Variants in CCDC22 observed in about 807,000 individuals in gnomAD.
The protein encoded by CCDC22 is coiled-coil domain-containing protein 22.
In CCDC22, 4 loss-of-function variants were observed where a neutral mutation model predicts 53.1. That is an observed-to-expected ratio of 0.08 (90% CI 0.04 to 0.17). The LOEUF is 0.17. Ranked by LOEUF, CCDC22 falls within the 10% of genes least tolerant of loss-of-function variation. CCDC22 has a pLI of 1.00. For missense variants in CCDC22, 458 were observed against 554.0 expected (o/e 0.83, Z 1.74); for synonymous variants, 222 against 224.4 (o/e 0.99, Z 0.10).
chrX:49,248,876 C>A lies in CCDC22; in HGVS notation c.1491C>A (p.Ile497=), dbSNP rs2066006893. The A allele has an allele frequency of 8.3e-7, 1 of 1,211,006 alleles. No homozygotes were observed. Among genetic ancestry groups the A allele is most frequent in the Admixed American group, 2.2e-5 (1 of 45,999 alleles). ...CCCGGCTGGCCTACACCCAGCGCAT[C>A]CTGGAGATCGTGGGCAACATCCGGA... is the stretch of plus-strand genomic sequence containing the variant. ...DVSRLAYTQR[I]LEIVGNIRKQ... Residue 497 remains isoleucine, a synonymous_variant, in exon 13 of 17, where the codon ATC becomes ATA. Transcript: ENST00000376227.
Position 49,247,482 on chromosome X carries a change from G to A in CCDC22, c.910-14G>A, listed in dbSNP as rs926510206. 5.9e-6 allele frequency: 7 copies of A among 1,186,705 alleles called. No homozygotes were observed. The highest frequency in any genetic ancestry group is 1.9e-5 in the South Asian group (1 of 53,767). ...TTCCCTGGCAGCCAGGATGCCCCTC[G>A]TCACTCCCCTTAGGAGCCCCAGGCC... is the stretch of plus-strand genomic sequence containing the variant. On this transcript the variant is annotated splice_polypyrimidine_tract_variant and intron_variant, in intron 7 of 16. Coordinates refer to ENST00000376227, the MANE Select transcript of CCDC22 (RefSeq NM_014008.5).
At chrX:49,236,655 T>C (rs1397201801) in intron 1 of CCDC22, among the ~76,000 whole-genome samples, 2 of 111,256 alleles carry the variant, frequency 1.8e-5, no homozygotes, top group African/African-American at 6.5e-5. Flanking sequence ...GGTCTTGATA[T>C]TCAGGGATCT....
At chrX:49,248,119 G>T (rs2066000405) in intron 9 of CCDC22, 72 bp from the exon 10 acceptor site, 1 of 1,192,742 alleles carries the variant, frequency 8.4e-7, no homozygotes, top group East Asian at 3.0e-5. Flanking sequence ...GCCTGTGGGG[G>T]CCACAGGGGT....
rs797042658 is a variant in CCDC22, at chrX:49,235,826, T to TACACACACACACACAC, written c.50+163_50+178dup. 6.2e-5 allele frequency: 15 copies of TACACACACACACACAC among 243,312 alleles called. No individual in the cohort carries two copies. In the African/African-American group the frequency reaches 6.3e-4, roughly 10 times the overall value. 20.1% of individuals were successfully genotyped at this position (243,312 alleles called of 1,213,427 possible). A position where few individuals can be genotyped will look rare whatever the true frequency, so the allele number is the denominator to read the frequency against. ...CAGGATCCTAAGACCCTCACCCCCT[T>TACACACACACACACAC]ACACACACACACACACACACACACA... On this transcript the variant is annotated intron_variant, in intron 1 of 16. Transcript: ENST00000376227.
intron 7 of CCDC22, 26 bp downstream of exon 7, chrX:49,246,951 G>A (rs782566533): frequency 3.6e-5 from 41 of 1,134,854 alleles, no homozygotes; most frequent in Non-Finnish European, 4.6e-5. Flanking sequence ...GACATGAGAT[G>A]TGTGGATGGG....
chrX:49,249,366 C>A, intron 14 of CCDC22, 104 bp downstream of exon 14: 1 of 869,752 alleles, frequency 1.1e-6, no homozygotes, highest in Non-Finnish European at 1.7e-6. Flanking sequence ...CTGTGCGAGG[C>A]TGGAGGTGCA....
Position 49,248,281 on chromosome X carries a change from G to A in CCDC22, c.1183G>A (p.Asp395Asn), listed in dbSNP as rs781990093. The A allele has an allele frequency of 1.2e-5, 14 of 1,197,075 alleles. No homozygotes were observed. The highest frequency in any genetic ancestry group is 2.5e-4 in the Middle Eastern group (1 of 3,950). The change falls in exon 10 of 17, where the codon GAT becomes AAT. Residue 395 changes from aspartate (D) to asparagine (N), a missense_variant. Around this residue, in one of 4 missense-constraint regions of CCDC22, gnomAD observed 309 missense variants for 312.3 expected, o/e 0.99. Coordinates refer to ENST00000376227, the MANE Select transcript of CCDC22 (RefSeq NM_014008.5). ...LKSRAVELLP[D>N]GTANLAKLQL... ...GAGCCGCGCGGTGGAGCTGCTGCCC[G>A]ATGGGACTGCCAACCTTGCCAAGCT...
rs1212730687 is a variant in CCDC22 at position 49,246,272 on chromosome X, A to C, written c.715-459A>C. On this transcript the variant is annotated intron_variant, in intron 6 of 16. Transcript: ENST00000376227. The stretch of plus-strand genomic sequence containing the variant: ...TAGGCATGAGCCACTGTACCCGGCC[A>C]ACAATGATATCTTAATACCATCCAA... 3.6e-5 allele frequency among the ~76,000 whole-genome samples: 4 copies of C among 112,473 alleles called. No individual in the cohort carries two copies. In the East Asian group the frequency reaches 1.1e-3, roughly 31 times the overall value.
At chrX:49,239,580 T>C (rs1449819255) in intron 2 of CCDC22, among the ~76,000 whole-genome samples, 2 of 110,548 alleles carry the variant, frequency 1.8e-5, no homozygotes, top group African/African-American at 6.6e-5. Context: ...GTTGTTAAAT[T>C]TGGGCCTTGC....
chrX:49,247,551 CTGAACAGG>C lies in CCDC22; in HGVS notation c.969_972+4del. The C allele has an allele frequency of 8.3e-7, 1 of 1,198,544 alleles. No homozygotes were observed. The highest frequency in any genetic ancestry group is 1.8e-5 in the South Asian group (1 of 54,876). The stretch of plus-strand genomic sequence containing the variant: ...GATGTGCCAGCCACCTCCCGGCGGC[CTGAACAGG>C]TGAGCAGAGTGGTTTGGAGGGGGGT... On this transcript the variant is annotated splice_donor_variant and coding_sequence_variant, in exon 8 of 17. Coordinates refer to ENST00000376227, the MANE Select transcript of CCDC22 (RefSeq NM_014008.5). LOFTEE classifies it high-confidence loss of function.
intron 1 of CCDC22, among the ~76,000 whole-genome samples, chrX:49,236,096 C>T (rs2065936681): frequency 9.1e-6 from 1 of 109,498 alleles, no homozygotes; most frequent in Non-Finnish European, 1.9e-5. Flanking sequence ...AGCGTAAAAC[C>T]CCAGGACCCT....
At chrX:49,248,981 C>T (rs782628473) in intron 13 of CCDC22, 57 bp downstream of exon 13, 13 of 1,176,930 alleles carry the variant, frequency 1.1e-5, no homozygotes, top group East Asian at 6.1e-5. Context: ...ATAGTGTGGC[C>T]GCACAGGGAC....
chrX:49,235,977 C>A (rs1205249401), intron 1 of CCDC22, among the ~76,000 whole-genome samples: 3 of 109,273 alleles, frequency 2.7e-5, no homozygotes, highest in African/African-American at 6.7e-5. Context: ...GACGTTACAA[C>A]CTTGAAACCT....
At chrX:49,236,097 C>T (rs1169825485) in intron 1 of CCDC22, among the ~76,000 whole-genome samples, 2 of 109,551 alleles carry the variant, frequency 1.8e-5, no homozygotes, top group East Asian at 5.7e-4. Context: ...GCGTAAAACC[C>T]CAGGACCCTG....
At chrX:49,244,598 T>C (rs1169784511) in intron 6 of CCDC22, among the ~76,000 whole-genome samples, 9 of 110,556 alleles carry the variant, frequency 8.1e-5, no homozygotes, top group African/African-American at 3.0e-4. Context: ...TCTCGCTCTG[T>C]CACCCAGGCT....
chrX:49,248,950 G>A lies in CCDC22; in HGVS notation c.1539+26G>A, dbSNP rs782190999. 5.0e-6 allele frequency: 6 copies of A among 1,197,264 alleles called. No individual in the cohort carries two copies. The South Asian group carries it at 1.1e-4, about 22-fold the overall frequency. Reference sequence around the variant, plus strand: ...GTACACTGCCAGGGCCATGGAGGGTGGGTCATGTGGGCTGTCAGGCATAGT... The same window carrying A: ...GTACACTGCCAGGGCCATGGAGGGTAGGTCATGTGGGCTGTCAGGCATAGT... On this transcript the variant is annotated intron_variant, in intron 13 of 16. Coordinates refer to ENST00000376227, the MANE Select transcript of CCDC22 (RefSeq NM_014008.5).
At chrX:49,241,043 C>A (rs1602668916) in intron 2 of CCDC22, among the ~76,000 whole-genome samples, 1 of 111,904 alleles carries the variant, frequency 8.9e-6, no homozygotes, top group South Asian at 3.7e-4. Context: ...TGTTGGTATA[C>A]CCTCTTTCAG....
chrX:49,237,020 C>A, intron 1 of CCDC22, 66 bp from the exon 2 acceptor site: 1 of 1,065,031 alleles, frequency 9.4e-7, no homozygotes, highest in Non-Finnish European at 1.3e-6. Context: ...TTCCAAAAGG[C>A]TGCAGGGCTC....
Position 49,249,154 on chromosome X carries a change from T to C in CCDC22, c.1540-13T>C. 1 of 1,197,780 alleles carries C rather than the reference T, an allele frequency of 8.3e-7. No homozygotes were observed. The highest frequency in any genetic ancestry group is 1.1e-6 in the Non-Finnish European group (1 of 882,796). On this transcript the variant is annotated splice_polypyrimidine_tract_variant and intron_variant, in intron 13 of 16. Coordinates refer to ENST00000376227, the MANE Select transcript of CCDC22 (RefSeq NM_014008.5). ...CCCAGGCAGGGGCTCATGGCTGCCA[T>C]GGTGTCTGCCAGATCTTGTCTGATA...
Sources: gnomAD v4.1 joint callset for allele counts (sites outside exome capture counted in the v4.1 genomes callset) on GRCh38, gnomAD v4.1.1 for gene constraint, gnomAD v4.1.1 regional missense constraint, MANE v1.5 for transcripts, NCBI Gene and HGNC (gene_info 2026-07-23, HGNC 2026-07-21) for gene names.